OPA3: variants seen among roughly 807,000 people sequenced by gnomAD.
OPA3 encodes optic atrophy 3 protein.
Under a neutral mutation model 4.0 loss-of-function variants are expected in OPA3, and 6 were observed. The ratio of observed to expected loss-of-function variants is 1.51; its 90% CI spans 0.83 to 2.99. OPA3 has a LOEUF of 2.99. Among genes scored for constraint, OPA3 ranks in the 30% most tolerant of loss-of-function variants. The pLI is 0.00. For missense variants in OPA3, 235 were observed against 256.2 expected (o/e 0.92, Z 0.56); for synonymous variants, 105 against 117.1 (o/e 0.90, Z 0.67).
intron 1 of OPA3, among the ~76,000 whole-genome samples, chr19:45,538,696 C>T (rs1969149533): frequency 6.8e-6 from 1 of 147,946 alleles, no homozygotes; most frequent in Non-Finnish European, 1.5e-5. Flanking sequence ...GCACTCCAGC[C>T]TGGGCAAAAA....
intron 1 of OPA3, among the ~76,000 whole-genome samples, chr19:45,580,895 C>A (rs1969845605): frequency 6.6e-6 from 1 of 152,088 alleles, no homozygotes; most frequent in African/African-American, 2.4e-5. Flanking sequence ...GGATTACAGG[C>A]ATGAGCCACT....
chr19:45,541,308 G>A (rs1477722539), downstream of OPA3, among the ~76,000 whole-genome samples: 1 of 152,100 alleles, frequency 6.6e-6, no homozygotes, highest in Non-Finnish European at 1.5e-5. Context: ...CACTTTTTAT[G>A]GAAAAGCCAC....
rs529981150 is a variant in OPA3 at position 45,553,604 on chromosome 19, C to T, written c.450G>A (p.Glu150=). ...CCTCTTGCAGCTCTGTGCGCAGTTC[C>T]TCCAGGGCGCCCTGTGGCGGCGCCG... ...VQAAPPQGAL[E]ELRTELQEVR... The change falls in exon 2 of 2, where the codon GAG becomes GAA. Residue 150 remains glutamate, a synonymous_variant. Coordinates refer to ENST00000263275, the MANE Select transcript of OPA3 (RefSeq NM_025136.4). 1 of 1,610,666 alleles carries T rather than the reference C, an allele frequency of 6.2e-7. No homozygotes were observed. Among genetic ancestry groups the T allele is most frequent in the Non-Finnish European group, 8.5e-7 (1 of 1,179,352 alleles).
At chr19:45,572,582 TATAA>T (rs1172913873) in intron 1 of OPA3, among the ~76,000 whole-genome samples, 13 of 135,708 alleles carry the variant, frequency 9.6e-5, no homozygotes, top group African/African-American at 3.0e-4. Context: ...GATATATGTA[TATAA>T]ATATATATAT....
At chr19:45,559,392 TCTTTC>T (rs564080506) in intron 1 of OPA3, among the ~76,000 whole-genome samples, 3,635 of 112,614 alleles carry the variant, frequency 0.032, 290 homozygotes, top group African/African-American at 0.12. Context: ...TCCCTCTTTT[TCTTTC>T]TTTTTTTTTT....
intron 1 of OPA3, among the ~76,000 whole-genome samples, chr19:45,530,792 C>T (rs187862512): frequency 3.3e-5 from 5 of 151,718 alleles, no homozygotes; most frequent in Admixed American, 3.3e-4. Flanking sequence ...GACAGAGTCT[C>T]GGTCTGTCCC....
chr19:45,569,375 C>T (rs1412870635), intron 1 of OPA3, among the ~76,000 whole-genome samples: 1 of 152,188 alleles, frequency 6.6e-6, no homozygotes, highest in African/African-American at 2.4e-5. Context: ...AGAAGAATCA[C>T]TTGAACCCAG....
chr19:45,544,084 G>A (rs1261064930), downstream of OPA3, among the ~76,000 whole-genome samples: 1 of 152,112 alleles, frequency 6.6e-6, no homozygotes, highest in Non-Finnish European at 1.5e-5. Flanking sequence ...CTGTTATCAG[G>A]CACAAGATAC....
intron 1 of OPA3, among the ~76,000 whole-genome samples, chr19:45,562,526 T>TAA (rs200088416): frequency 1.0e-5 from 1 of 96,938 alleles, no homozygotes. Flanking sequence ...CTGTCTCTAC[T>TAA]AAAAAAAAAA....
intron 1 of OPA3, among the ~76,000 whole-genome samples, chr19:45,535,369 CTT>C (rs57680613): frequency 0.078 from 9,322 of 118,954 alleles, 379 homozygotes; most frequent in East Asian, 0.2. Context: ...TAAATTATTA[CTT>C]TTTTTTTTTT....
chr19:45,574,930 G>A (rs1207560545), intron 1 of OPA3, among the ~76,000 whole-genome samples: 13 of 152,128 alleles, frequency 8.5e-5, no homozygotes, highest in African/African-American at 2.7e-4. Flanking sequence ...CAGAGGCTAC[G>A]CTGAGAGGGA....
chr19:45,540,316 C>CA (rs971125508), intron 1 of OPA3, among the ~76,000 whole-genome samples: 22 of 145,382 alleles, frequency 1.5e-4, no homozygotes, highest in African/African-American at 5.7e-4. Context: ...GACTCTGTCT[C>CA]AAAAAAAATA....
Position 45,550,072 on chromosome 19 carries a change from T to C in OPA3, c.*3442A>G, listed in dbSNP as rs138449967. On this transcript the variant is annotated 3_prime_UTR_variant, in exon 2 of 2. Coordinates refer to ENST00000263275, the MANE Select transcript of OPA3 (RefSeq NM_025136.4). ...ACTTCGGAAGCTGAGGCAGGATCAT[T>C]GGTTGAGCCTGGGAGGTAGAAGTTG... 37 of 503,762 alleles carry C rather than the reference T, an allele frequency of 7.3e-5. No individual in the cohort carries two copies. In the East Asian group the frequency reaches 5.5e-3, roughly 75 times the overall value. 31.2% of individuals were successfully genotyped at this position (503,762 alleles called of 1,614,324 possible).
At chr19:45,559,722 T>A (rs1421718872) in intron 1 of OPA3, among the ~76,000 whole-genome samples, 1 of 152,076 alleles carries the variant, frequency 6.6e-6, no homozygotes, top group African/African-American at 2.4e-5. Flanking sequence ...TCTCTCTTCC[T>A]GTCTTTTCCC....
intron 1 of OPA3, among the ~76,000 whole-genome samples, chr19:45,529,620 C>A (rs542166233): frequency 6.6e-6 from 1 of 152,350 alleles, no homozygotes; most frequent in African/African-American, 2.4e-5. Context: ...GGCCTCACAC[C>A]CAGAATCCTC....
chr19:45,533,181 G>A (rs1022939835), intron 1 of OPA3, among the ~76,000 whole-genome samples: 21 of 151,438 alleles, frequency 1.4e-4, no homozygotes, highest in African/African-American at 5.1e-4. Flanking sequence ...ATGAGCTACT[G>A]CATCTGGCCA....
chr19:45,582,326 AC>A (rs1173307027), intron 1 of OPA3, among the ~76,000 whole-genome samples: 1 of 151,636 alleles, frequency 6.6e-6, no homozygotes, highest in Non-Finnish European at 1.5e-5. Flanking sequence ...AGCCCGCCTA[AC>A]TTTTGTATTT....
chr19:45,552,216 T>TA lies in OPA3; in HGVS notation c.*1297_*1298insT, dbSNP rs1254157009. ...ATTGACTGCAGGCCAGGACCTTTTG[T>TA]GGGTTTTTTTAAGATGGAGTTTTGC... On this transcript the variant is annotated 3_prime_UTR_variant, in exon 2 of 2. Coordinates refer to ENST00000263275, the MANE Select transcript of OPA3 (RefSeq NM_025136.4). 46 of 963,558 alleles carry TA rather than the reference T, an allele frequency of 4.8e-5. No homozygotes were observed. In the Admixed American group the frequency reaches 2.3e-3, roughly 47 times the overall value. 59.7% of individuals were successfully genotyped at this position (963,558 alleles called of 1,614,324 possible).
At chr19:45,556,293 G>A (rs1969420058) in intron 1 of OPA3, among the ~76,000 whole-genome samples, 1 of 152,098 alleles carries the variant, frequency 6.6e-6, no homozygotes, top group African/African-American at 2.4e-5. Context: ...ACAGGTGCAT[G>A]CCACCATGCC....
Sources: gnomAD v4.1 joint callset for allele counts (sites outside exome capture counted in the v4.1 genomes callset) on GRCh38, gnomAD v4.1.1 for gene constraint, MANE v1.5 for transcripts, NCBI Gene and HGNC (gene_info 2026-07-23, HGNC 2026-07-21) for gene names.